TP53BP1: variants seen among roughly 807,000 people sequenced by gnomAD.
TP53BP1 encodes tumor protein p53 binding protein 1.
Under a neutral mutation model 200.8 loss-of-function variants are expected in TP53BP1, and 61 were observed. That is an observed-to-expected ratio of 0.30 (90% confidence interval 0.25 to 0.38). The LOEUF is 0.38. Ranked by LOEUF, TP53BP1 falls within the 10% of genes least tolerant of loss-of-function variation. TP53BP1 has a pLI of 1.00. For synonymous variants in TP53BP1, 822 were observed against 844.3 expected, an observed-to-expected ratio of 0.97 and a Z score of 0.46; for missense variants, 2,144 against 2,371.9, an observed-to-expected ratio of 0.90 and a Z score of 2.00.
chr15:43,481,745 G>A (rs975897429), intron 4 of TP53BP1, among the ~76,000 whole-genome samples: 1 of 151,398 alleles, frequency 6.6e-6, no homozygotes, highest in Non-Finnish European at 1.5e-5. Context: ...AACCCAGGAG[G>A]CGGAGGTTGC....
intron 1 of TP53BP1, among the ~76,000 whole-genome samples, chr15:43,509,407 A>G (rs1465305643): frequency 6.6e-6 from 1 of 152,014 alleles, no homozygotes; most frequent in African/African-American, 2.4e-5. Context: ...GGATTGCTGT[A>G]AAGTTTTTTG....
intron 11 of TP53BP1, among the ~76,000 whole-genome samples, chr15:43,460,898 C>T (rs1389801076): frequency 1.3e-5 from 2 of 151,196 alleles, no homozygotes; most frequent in African/African-American, 2.4e-5. Context: ...TGGTGGCACA[C>T]GTCTGTGGTC....
chr15:43,478,754 G>T lies in TP53BP1; in HGVS notation c.788+643C>A, dbSNP rs531803934. The stretch of plus-strand genomic sequence containing the variant: ...GCAATCTGGGTGCTCCTCAAGTATA[G>T]AAACAGTAGGCTTTCAAATAAAATA... On this transcript the variant is annotated intron_variant, in intron 7 of 27. Coordinates refer to ENST00000382044, the MANE Select transcript of TP53BP1 (RefSeq NM_001141980.3). Among the ~76,000 whole-genome samples, 7 of 152,292 alleles carry T rather than the reference G, an allele frequency of 4.6e-5. No individual in the cohort carries two copies. The East Asian group carries it at 1.4e-3, about 29-fold the overall frequency.
chr15:43,421,278 G>GCCCCAAAGGCTC, intron 19 of TP53BP1, 104 bp from the exon 20 acceptor site: 2 of 1,241,518 alleles, frequency 1.6e-6, no homozygotes, highest in Non-Finnish European at 2.3e-6. Flanking sequence ...TACATGTGCT[G>GCCCCAAAGGCTC]AGCCTTTGGG....
In TP53BP1 at chr15:43,475,584, C is replaced by A; in HGVS notation, c.1066G>T (p.Val356Phe). ...LLQLSGQRSLVQDSLSTNSSD... is the reference protein window; with the variant it reads ...LLQLSGQRSLFQDSLSTNSSD... ...ACTTACGTGGAAAGACTGTCCTGAA[C>A]AAGGGACCTCTGACCAGAGAGCTGC... The change falls in exon 9 of 28, where the codon GTT (valine) becomes TTT (phenylalanine). Residue 356 changes from valine to phenylalanine, a missense_variant. Val to Phe is a conservative substitution (Grantham distance 50). This residue lies in a region of TP53BP1 where 1,700 missense variants were observed against 1,710.3 expected (regional missense o/e 0.99). Transcript: ENST00000382044. 1 of 1,614,090 alleles carries A rather than the reference C, an allele frequency of 6.2e-7. No homozygotes were observed. Among genetic ancestry groups the A allele is most frequent in the Non-Finnish European group, 8.5e-7 (1 of 1,180,024 alleles).
chr15:43,487,798 AG>A (rs1306931360), intron 4 of TP53BP1, among the ~76,000 whole-genome samples: 8 of 149,116 alleles, frequency 5.4e-5, no homozygotes, highest in South Asian at 4.2e-4. Context: ...AAAAAAAAAA[AG>A]AAAAGAAAAA....
At chr15:43,411,134 A>T (rs771924517) in intron 24 of TP53BP1, among the ~76,000 whole-genome samples, 77 of 152,202 alleles carry the variant, frequency 5.1e-4, no homozygotes, top group Non-Finnish European at 4.3e-4. Flanking sequence ...GTCTACTTAG[A>T]TTTTAATCCC....
At chr15:43,458,694 C>A (rs2046358591) in intron 11 of TP53BP1, among the ~76,000 whole-genome samples, 1 of 151,900 alleles carries the variant, frequency 6.6e-6, no homozygotes, top group African/African-American at 2.4e-5. Context: ...GCAGCAGGAT[C>A]CTTGAGCCAC....
chr15:43,506,214 T>G (rs1490792166), intron 1 of TP53BP1, among the ~76,000 whole-genome samples: 1 of 152,224 alleles, frequency 6.6e-6, no homozygotes, highest in Non-Finnish European at 1.5e-5. Context: ...TGAGTGCAAC[T>G]AATTGCAAGT....
chr15:43,405,169 G>A lies in TP53BP1; in HGVS notation c.*2214C>T, dbSNP rs1415646764. On this transcript the variant is annotated 3_prime_UTR_variant, in exon 28 of 28. Coordinates refer to ENST00000382044, the MANE Select transcript of TP53BP1 (RefSeq NM_001141980.3). ...TTTGAAGGTAGTCTTGGGAAAGCATGACACTTAATAAGGCTCTTTTTCTCT... is the reference window on the plus strand; with the variant it reads ...TTTGAAGGTAGTCTTGGGAAAGCATAACACTTAATAAGGCTCTTTTTCTCT... 1 of 1,613,736 alleles carries A rather than the reference G, an allele frequency of 6.2e-7. No individual in the cohort carries two copies. Among genetic ancestry groups the A allele is most frequent in the African/African-American group, 1.3e-5 (1 of 75,032 alleles).
chr15:43,452,846 C>A (rs2046202181), intron 12 of TP53BP1, among the ~76,000 whole-genome samples: 1 of 152,058 alleles, frequency 6.6e-6, no homozygotes, highest in South Asian at 2.1e-4. Flanking sequence ...ATGAAGAATA[C>A]TATTAAAATA....
intron 26 of TP53BP1, chr15:43,408,663 G>A (rs1438979126): frequency 1.2e-5 from 6 of 515,146 alleles, no homozygotes; most frequent in Non-Finnish European, 2.1e-5. Context: ...TGACTTTACA[G>A]GTTGAGAATA....
intron 8 of TP53BP1, among the ~76,000 whole-genome samples, chr15:43,477,141 A>C (rs1032069605): frequency 2.0e-5 from 3 of 152,084 alleles, no homozygotes; most frequent in Admixed American, 6.6e-5. Flanking sequence ...TCTACTAAAA[A>C]TACAAAAAAT....
intron 24 of TP53BP1, among the ~76,000 whole-genome samples, chr15:43,410,969 AT>A (rs1005152787): frequency 2.0e-4 from 30 of 152,320 alleles, no homozygotes; most frequent in African/African-American, 6.5e-4. Context: ...CAGCAGGGCT[AT>A]TTCTCAGCTT....
chr15:43,425,792 C>A (rs905359372), intron 18 of TP53BP1, among the ~76,000 whole-genome samples: 1 of 152,144 alleles, frequency 6.6e-6, no homozygotes, highest in African/African-American at 2.4e-5. Context: ...AAAAGTTCCA[C>A]GAACAAAAAT....
In TP53BP1 at chr15:43,456,878, G is replaced by A; in HGVS notation, c.1730C>T (p.Ala577Val). The A allele has an allele frequency of 1.2e-6, 2 of 1,613,960 alleles. No homozygotes were observed. Among genetic ancestry groups the A allele is most frequent in the Non-Finnish European group, 1.7e-6 (2 of 1,180,032 alleles). Residue 577 changes from alanine (A) to valine (V), a missense_variant, in exon 12 of 28, where the codon GCA (alanine) becomes GTA (valine). Physicochemically the swap from Ala to Val is moderately conservative, Grantham distance 64. Transcript: ENST00000382044. ...ACTCAGTTGTACTTCACCATCCTGT[G>A]CTGGATTCATCAGGATACTATCATT... Reference protein sequence around the residue: ...AENDSILMNPAQDGEVQLSQN... With the variant: ...AENDSILMNPVQDGEVQLSQN...
Position 43,409,223 on chromosome 15 carries a change from C to T in TP53BP1, c.5401-127G>A, listed in dbSNP as rs967609289. The T allele has an allele frequency of 1.5e-4, 124 of 813,198 alleles. 1 individual carries two copies. In the Admixed American group the frequency reaches 2.8e-3, roughly 18 times the overall value. The allele number at this position is 813,198 out of a possible 1,614,324, so 50.4% of individuals were successfully genotyped here. On this transcript the variant is annotated intron_variant, in intron 25 of 27. Transcript: ENST00000382044. Reference sequence around the variant, plus strand: ...ACTACTACCCAAAATGTGATTTAGTCTATCCTGCCCAAGGCCACTCTTCTC... The same window carrying T: ...ACTACTACCCAAAATGTGATTTAGTTTATCCTGCCCAAGGCCACTCTTCTC...
At chr15:43,439,053 G>A (rs536667745) in intron 15 of TP53BP1, among the ~76,000 whole-genome samples, 28 of 152,108 alleles carry the variant, frequency 1.8e-4, no homozygotes, top group African/African-American at 6.5e-4. Flanking sequence ...AGTAGGGAGG[G>A]GGGTGCTGGA....
Position 43,404,136 on chromosome 15 carries a change from G to A in TP53BP1, c.*3247C>T, listed in dbSNP as rs1022459384. ...ATAATTATCTGCTTGTAATCAAAAC[G>A]GGTTCTCCCCAACCCCAGTACTTGA... On this transcript the variant is annotated 3_prime_UTR_variant, in exon 28 of 28. Transcript: ENST00000382044. 18 of 505,574 alleles carry A rather than the reference G, an allele frequency of 3.6e-5. No homozygotes were observed. The highest frequency in any genetic ancestry group is 5.6e-5 in the Non-Finnish European group (16 of 284,528). The allele number at this position is 505,574 out of a possible 1,614,324, so 31.3% of individuals were successfully genotyped here.
Sources: allele counts gnomAD v4.1 joint callset (sites outside exome capture counted in the v4.1 genomes callset), GRCh38; gene constraint gnomAD v4.1.1; regional missense constraint gnomAD v4.1.1; transcripts MANE v1.5; gene names NCBI Gene and HGNC (gene_info 2026-07-23, HGNC 2026-07-21).